The following UVRAG variants were observed in gnomAD, a reference collection of about 807,000 sequenced individuals.
The protein encoded by UVRAG is UV radiation resistance associated, also known as UV radiation resistance-associated gene protein.
In UVRAG, 19 loss-of-function variants were observed where a neutral mutation model predicts 78.0. That is an observed-to-expected ratio of 0.24 (90% confidence interval 0.17 to 0.36). The LOEUF (loss-of-function observed/expected upper bound fraction) is 0.36. Ranked by LOEUF, UVRAG falls within the 10% of genes least tolerant of loss-of-function variation. UVRAG has a pLI of 1.00. For synonymous variants in UVRAG, 323 were observed against 324.6 expected, an observed-to-expected ratio of 1.00 and a Z score of 0.05; for missense variants, 740 against 853.8, an observed-to-expected ratio of 0.87 and a Z score of 1.66.
chr11:75,953,739 C>T (rs1948745735), intron 6 of UVRAG, among the ~76,000 whole-genome samples: 1 of 152,006 alleles, frequency 6.6e-6, no homozygotes, highest in South Asian at 2.1e-4. Flanking sequence ...AGCCTCAAAG[C>T]ACTTTAGTCC....
intron 1 of UVRAG, among the ~76,000 whole-genome samples, chr11:75,818,540 G>A (rs10899131): frequency 0.12 from 17,869 of 150,494 alleles, 1,201 homozygotes; most frequent in East Asian, 0.23. Context: ...GTGCAGTGGC[G>A]CGATCTTGGC....
At chr11:75,956,757 CATTTTA>C (rs1195973532) in intron 6 of UVRAG, among the ~76,000 whole-genome samples, 1 of 152,084 alleles carries the variant, frequency 6.6e-6, no homozygotes, top group Non-Finnish European at 1.5e-5. Context: ...TTAGTGTTGT[CATTTTA>C]ATTTTATTTA....
At chr11:76,015,836 A>AT (rs1186857250) in intron 11 of UVRAG, among the ~76,000 whole-genome samples, 1 of 152,200 alleles carries the variant, frequency 6.6e-6, no homozygotes, top group Non-Finnish European at 1.5e-5. Flanking sequence ...TAGTCAAGGC[A>AT]TGGTCATTGT....
At chr11:76,055,769 G>T (rs184069542) in intron 12 of UVRAG, among the ~76,000 whole-genome samples, 232 of 152,212 alleles carry the variant, frequency 1.5e-3, no homozygotes, top group Non-Finnish European at 1.8e-3. Context: ...GAGTCCAGTG[G>T]CAGGATCTCG....
At chr11:76,090,917 T>C (rs978486133) in intron 13 of UVRAG, among the ~76,000 whole-genome samples, 1 of 152,216 alleles carries the variant, frequency 6.6e-6, no homozygotes, top group Non-Finnish European at 1.5e-5. Context: ...GGCTTTACCA[T>C]AATCCTAGGG....
chr11:75,880,928 CTTTTTTT>C (rs773034018), intron 4 of UVRAG, among the ~76,000 whole-genome samples: 51 of 87,708 alleles, frequency 5.8e-4, no homozygotes, highest in South Asian at 1.8e-3. Flanking sequence ...TTATTTACTT[CTTTTTTT>C]TTTTTTTTTT....
intron 6 of UVRAG, among the ~76,000 whole-genome samples, chr11:75,946,530 C>T (rs752338327): frequency 1.3e-5 from 2 of 152,192 alleles, no homozygotes; most frequent in African/African-American, 4.8e-5. Context: ...GAACAGCTGA[C>T]TTGGTTCTCT....
rs189936226 is a variant in UVRAG at position 75,912,925 on chromosome 11, T to A, written c.593+886T>A. ...CTGTGTCCATTAATCTTAAGAAACA[T>A]GATTTTGACTAAAGTAACCATATAC... is the stretch of plus-strand genomic sequence containing the variant. On this transcript the variant is annotated intron_variant, in intron 6 of 14. Coordinates refer to ENST00000356136, the MANE Select transcript of UVRAG (RefSeq NM_003369.4). Among the ~76,000 whole-genome samples the A allele has an allele frequency of 3.9e-5, 6 of 152,348 alleles. No individual in the cohort carries two copies. The East Asian group carries it at 1.2e-3, about 29-fold the overall frequency.
intron 12 of UVRAG, among the ~76,000 whole-genome samples, chr11:76,025,172 G>A (rs1403538445): frequency 2.6e-4 from 40 of 152,146 alleles, no homozygotes; most frequent in Non-Finnish European, 2.9e-5. Context: ...TCTTTGCTGC[G>A]TTTCACTGTG....
intron 5 of UVRAG, among the ~76,000 whole-genome samples, chr11:75,895,931 A>AG (rs1472365515): frequency 6.6e-6 from 1 of 152,334 alleles, no homozygotes; most frequent in African/African-American, 2.4e-5. Context: ...TTATTAAACT[A>AG]GGTACTGTGG....
chr11:75,868,005 T>C (rs1946571509), intron 3 of UVRAG, among the ~76,000 whole-genome samples: 1 of 152,254 alleles, frequency 6.6e-6, no homozygotes, highest in African/African-American at 2.4e-5. Context: ...TTATTGATTT[T>C]ACTATTTCTA....
chr11:75,883,605 A>G (rs1947005166), intron 4 of UVRAG, among the ~76,000 whole-genome samples: 1 of 152,174 alleles, frequency 6.6e-6, no homozygotes, highest in African/African-American at 2.4e-5. Flanking sequence ...TATACTTTCT[A>G]CCAGGCATTG....
chr11:76,009,484 TTTA>T (rs1435083885), intron 11 of UVRAG, among the ~76,000 whole-genome samples: 1 of 152,184 alleles, frequency 6.6e-6, no homozygotes, highest in Non-Finnish European at 1.5e-5. Context: ...AGTGATCATT[TTTA>T]TTGTTAGCCA....
chr11:75,909,929 C>A (rs1050207090), intron 5 of UVRAG, among the ~76,000 whole-genome samples: 2 of 151,984 alleles, frequency 1.3e-5, no homozygotes, highest in African/African-American at 4.8e-5. Context: ...GAAATTGTTC[C>A]CTTCTCCGCT....
chr11:76,140,677 C>T, intron 14 of UVRAG, 34 bp from the exon 15 acceptor site: 1 of 1,535,002 alleles, frequency 6.5e-7, no homozygotes. Context: ...GTTCTGAAGT[C>T]CAAAGTAACT....
chr11:75,927,269 G>A (rs533035677), intron 6 of UVRAG, among the ~76,000 whole-genome samples: 28 of 152,010 alleles, frequency 1.8e-4, no homozygotes, highest in African/African-American at 6.8e-4. Context: ...GGAGTTTTGC[G>A]ATGTTGGCCA....
At chr11:75,820,224 C>T (rs1020474964) in intron 1 of UVRAG, among the ~76,000 whole-genome samples, 4 of 152,134 alleles carry the variant, frequency 2.6e-5, no homozygotes, top group South Asian at 2.1e-4. Flanking sequence ...GATATCCTCC[C>T]GCCTTGACCT....
intron 1 of UVRAG, chr11:75,838,903 A>G (rs1247372503): frequency 6.6e-6 from 1 of 152,202 alleles, no homozygotes; most frequent in Non-Finnish European, 1.5e-5. Flanking sequence ...TGGGGGAAGA[A>G]CTGGTGGCTT....
intron 13 of UVRAG, among the ~76,000 whole-genome samples, chr11:76,104,339 G>A (rs149604553): frequency 5.4e-4 from 82 of 152,198 alleles, no homozygotes; most frequent in East Asian, 2.1e-3. Context: ...AAAGTGCTAG[G>A]ATTCAGACAA....
Sources: allele counts gnomAD v4.1 joint callset (sites outside exome capture counted in the v4.1 genomes callset), GRCh38; gene constraint gnomAD v4.1.1; transcripts MANE v1.5; gene names NCBI Gene and HGNC (gene_info 2026-07-23, HGNC 2026-07-21).